The following ZNF565 variants were observed in gnomAD, a reference collection of about 807,000 sequenced individuals.
ZNF565 encodes zinc finger protein 565.
In ZNF565, 27 loss-of-function variants were observed where a neutral mutation model predicts 39.4. The ratio of observed to expected loss-of-function variants is 0.69; its 90% CI spans 0.51 to 0.95. ZNF565 has a LOEUF of 0.95. Ranked by LOEUF, ZNF565 falls within the 40% of genes least tolerant of loss-of-function variation. The probability of loss-of-function intolerance (pLI) is 0.00; values close to 1 mark genes in which losing one functional copy is unlikely to be tolerated. For synonymous variants in ZNF565, 185 were observed against 216.6 expected, an observed-to-expected ratio of 0.85 and a Z score of 1.28; for missense variants, 524 against 621.1, an observed-to-expected ratio of 0.84 and a Z score of 1.66.
At chr19:36,206,616 A>C (rs2145355712) in intron 1 of ZNF565, among the ~76,000 whole-genome samples, 1 of 152,264 alleles carries the variant, frequency 6.6e-6, no homozygotes, top group Non-Finnish European at 1.5e-5. Flanking sequence ...GGATCACTTG[A>C]GGTCAGAAGT....
At chr19:36,205,205 T>G (rs368767875) in intron 1 of ZNF565, among the ~76,000 whole-genome samples, 12 of 152,054 alleles carry the variant, frequency 7.9e-5, no homozygotes, top group African/African-American at 2.7e-4. Context: ...CTGGGTAACA[T>G]AGTGAGCCCT....
At chr19:36,198,096 G>A (rs893025820) in intron 2 of ZNF565, among the ~76,000 whole-genome samples, 2 of 151,590 alleles carry the variant, frequency 1.3e-5, no homozygotes, top group African/African-American at 4.8e-5. Flanking sequence ...TTGCACCACT[G>A]CCGGCATGGG....
chr19:36,223,358 T>A (rs1251046998), intron 1 of ZNF565, among the ~76,000 whole-genome samples: 3 of 145,998 alleles, frequency 2.1e-5, no homozygotes, highest in Admixed American at 2.0e-4. Context: ...AAAAAAAAAA[T>A]CTAGTTACAT....
intron 1 of ZNF565, among the ~76,000 whole-genome samples, chr19:36,240,447 G>A (rs1977778522): frequency 6.6e-6 from 1 of 152,134 alleles, no homozygotes; most frequent in African/African-American, 2.4e-5. Flanking sequence ...AAAAACACAG[G>A]GATGGAGACA....
intron 1 of ZNF565, among the ~76,000 whole-genome samples, chr19:36,227,696 A>G (rs1040360532): frequency 6.6e-6 from 1 of 152,180 alleles, no homozygotes; most frequent in East Asian, 1.9e-4. Context: ...CTGAGACTAC[A>G]GGCGCACACC....
At chr19:36,235,618 T>C (rs1204436274) in intron 1 of ZNF565, 1 of 152,192 alleles carries the variant, frequency 6.6e-6, no homozygotes, top group Admixed American at 6.5e-5. Context: ...ACTTTATGAA[T>C]TTAACTCCTT....
At chr19:36,193,465 G>C (rs1048310259) in intron 4 of ZNF565, among the ~76,000 whole-genome samples, 6 of 137,308 alleles carry the variant, frequency 4.4e-5, no homozygotes, top group Admixed American at 7.6e-5. Flanking sequence ...TTTTGAGACA[G>C]AGTCTCGCTC....
At chr19:36,211,442 C>T (rs1976352063) in intron 1 of ZNF565, among the ~76,000 whole-genome samples, 1 of 97,580 alleles carries the variant, frequency 1.0e-5, no homozygotes, top group Non-Finnish European at 2.1e-5. Flanking sequence ...CAAACTCCAA[C>T]TCTCTCTCAC....
At chr19:36,184,492 T>A (rs949961949) in intron 4 of ZNF565, among the ~76,000 whole-genome samples, 14 of 151,868 alleles carry the variant, frequency 9.2e-5, no homozygotes, top group Non-Finnish European at 2.1e-4. Context: ...CTTGAACTCC[T>A]GACCTCAAAC....
chr19:36,184,812 C>T (rs958769483), intron 4 of ZNF565, among the ~76,000 whole-genome samples: 3 of 152,034 alleles, frequency 2.0e-5, no homozygotes, highest in East Asian at 3.9e-4. Context: ...CTTCCCATTT[C>T]GGTGCATTAA....
chr19:36,239,402 C>G (rs1002846254), intron 1 of ZNF565, among the ~76,000 whole-genome samples: 3 of 150,482 alleles, frequency 2.0e-5, no homozygotes, highest in African/African-American at 7.3e-5. Context: ...TCACTGCAAT[C>G]TCCTCTGCTT....
rs527999817 is a variant in ZNF565, at chr19:36,234,591, G to A, written c.55+10885C>T. ...TTTTTGTATTTTTAGTAGAGATGGG[G>A]TTTCACTGTGTTAGCCAGGATGGTC... On this transcript the variant is annotated intron_variant, in intron 1 of 4. Transcript: ENST00000355114. 4.1e-4 allele frequency among the ~76,000 whole-genome samples: 62 copies of A among 152,278 alleles called. 1 individual carries two copies. The highest frequency in any genetic ancestry group is 1.4e-3 in the African/African-American group (59 of 41,554).
At chr19:36,210,212 G>A (rs1482619376) in intron 1 of ZNF565, among the ~76,000 whole-genome samples, 1 of 151,884 alleles carries the variant, frequency 6.6e-6, no homozygotes, top group Non-Finnish European at 1.5e-5. Flanking sequence ...CCTGAGGTCA[G>A]GAGTTTGAGA....
upstream of ZNF565, among the ~76,000 whole-genome samples, chr19:36,217,853 C>T: frequency 6.6e-6 from 1 of 151,138 alleles, no homozygotes; most frequent in African/African-American, 2.4e-5. Flanking sequence ...CCATTGCACT[C>T]CAACCTGGGC....
intron 1 of ZNF565, among the ~76,000 whole-genome samples, chr19:36,243,035 T>C (rs1343639392): frequency 6.6e-6 from 1 of 151,986 alleles, no homozygotes; most frequent in Non-Finnish European, 1.5e-5. Flanking sequence ...TTTGGTCTTT[T>C]TGTTTGTTTG....
At chr19:36,240,121 CTG>C (rs766202061) in intron 1 of ZNF565, among the ~76,000 whole-genome samples, 3 of 152,192 alleles carry the variant, frequency 2.0e-5, no homozygotes, top group Non-Finnish European at 2.9e-5. Context: ...AGTTGGCCCT[CTG>C]TATCCATGGG....
chr19:36,236,733 A>G, intron 1 of ZNF565: 1 of 1,614,202 alleles, frequency 6.2e-7, no homozygotes, highest in Non-Finnish European at 8.5e-7. Flanking sequence ...ACTGGAGAAA[A>G]ACCTTTTGAG....
At chr19:36,234,756 G>T (rs1036980381) in intron 1 of ZNF565, among the ~76,000 whole-genome samples, 5 of 152,146 alleles carry the variant, frequency 3.3e-5, no homozygotes, top group African/African-American at 1.2e-4. Flanking sequence ...ATATATGTGG[G>T]TTTAATCTCT....
intron 2 of ZNF565, among the ~76,000 whole-genome samples, chr19:36,201,172 T>C (rs1975950389): frequency 2.0e-5 from 3 of 152,020 alleles, no homozygotes; most frequent in South Asian, 4.1e-4. Flanking sequence ...AGTGGTGGCA[T>C]GTGGCTCTGG....
Sources: gnomAD v4.1 joint callset for allele counts (sites outside exome capture counted in the v4.1 genomes callset) on GRCh38, gnomAD v4.1.1 for gene constraint, MANE v1.5 for transcripts, NCBI Gene and HGNC (gene_info 2026-07-23, HGNC 2026-07-21) for gene names.